GALNT13: variants seen among roughly 807,000 people sequenced by gnomAD.
GALNT13 encodes the protein polypeptide N-acetylgalactosaminyltransferase 13.
Under a neutral mutation model 64.2 loss-of-function variants are expected in GALNT13, and 28 were observed. That is an observed-to-expected ratio of 0.44 (90% CI 0.32 to 0.60). The LOEUF (loss-of-function observed/expected upper bound fraction) is 0.60. GALNT13 is among the 20% of genes least tolerant of loss of function. The probability of loss-of-function intolerance (pLI) is 0.05; values close to 1 mark genes in which losing one functional copy is unlikely to be tolerated. For synonymous variants in GALNT13, 214 were observed against 224.6 expected (o/e 0.95, Z 0.42); for missense variants, 577 against 669.8 (o/e 0.86, Z 1.53).
At chr2:153,397,202 G>A in the GALNT13 span, among the ~76,000 whole-genome samples, 1 of 152,264 alleles carries the variant, frequency 6.6e-6, no homozygotes, top group East Asian at 1.9e-4. Flanking sequence ...GTATCAGAAA[G>A]TAAAAGGATG....
At chr2:153,132,330 C>T in the GALNT13 span, among the ~76,000 whole-genome samples, 1 of 152,150 alleles carries the variant, frequency 6.6e-6, no homozygotes, top group Non-Finnish European at 1.5e-5. Flanking sequence ...CAGGTCTCAG[C>T]TGTGGGGAGG....
intron 4 of GALNT13, among the ~76,000 whole-genome samples, chr2:154,226,910 A>G (rs1688646470): frequency 6.6e-6 from 1 of 152,172 alleles, no homozygotes; most frequent in Non-Finnish European, 1.5e-5. Flanking sequence ...ATAGTGCTAT[A>G]TAGTTAACAA....
intron 4 of GALNT13, among the ~76,000 whole-genome samples, chr2:154,222,307 T>C (rs973819057): frequency 6.6e-6 from 1 of 152,136 alleles, no homozygotes; most frequent in African/African-American, 2.4e-5. Context: ...TATTAGCCAA[T>C]GAGGCAGATC....
chr2:153,911,727 A>C (rs1040218494), intron 2 of GALNT13, among the ~76,000 whole-genome samples: 1 of 152,128 alleles, frequency 6.6e-6, no homozygotes, highest in Non-Finnish European at 1.5e-5. Flanking sequence ...AGAATGTTGA[A>C]TATAGACCCC....
At chr2:153,628,319 T>C in the GALNT13 span, among the ~76,000 whole-genome samples, 1 of 152,024 alleles carries the variant, frequency 6.6e-6, no homozygotes, top group African/African-American at 2.4e-5. Flanking sequence ...CCTCTTTTCC[T>C]AATTGAATAC....
intron 4 of GALNT13, among the ~76,000 whole-genome samples, chr2:154,202,158 T>C (rs1288131791): frequency 1.3e-5 from 2 of 152,116 alleles, no homozygotes; most frequent in African/African-American, 2.4e-5. Context: ...AGAAGAATAA[T>C]GCAGACATAT....
At chr2:153,550,733 A>G in the GALNT13 span, among the ~76,000 whole-genome samples, 2 of 152,206 alleles carry the variant, frequency 1.3e-5, no homozygotes, top group Non-Finnish European at 2.9e-5. Context: ...ACTTTATACA[A>G]TAGTGACAAT....
At chr2:153,394,489 ATAATC>A in the GALNT13 span, among the ~76,000 whole-genome samples, 4 of 152,128 alleles carry the variant, frequency 2.6e-5, no homozygotes, top group Non-Finnish European at 5.9e-5. Context: ...GGCAGAATCA[ATAATC>A]TAGGCTATAC....
chr2:154,263,717 G>A (rs1485964048), intron 8 of GALNT13, among the ~76,000 whole-genome samples: 1 of 152,002 alleles, frequency 6.6e-6, no homozygotes, highest in Non-Finnish European at 1.5e-5. Context: ...TAAGAATCTA[G>A]GGTGGAAAAC....
At chr2:153,686,759 A>G in the GALNT13 span, among the ~76,000 whole-genome samples, 1 of 152,058 alleles carries the variant, frequency 6.6e-6, no homozygotes, top group Non-Finnish European at 1.5e-5. Flanking sequence ...CCCATTCAGT[A>G]TGATGTTAGC....
the GALNT13 span, among the ~76,000 whole-genome samples, chr2:153,082,610 TATATATATACACACAC>T: frequency 6.9e-3 from 297 of 43,320 alleles, 1 homozygote; most frequent in Non-Finnish European, 9.4e-3. Flanking sequence ...TATATATATA[TATATATATACACACAC>T]ACACACACAC....
chr2:154,002,059 G>T (rs1405114200), intron 3 of GALNT13, among the ~76,000 whole-genome samples: 1 of 152,040 alleles, frequency 6.6e-6, no homozygotes, highest in Non-Finnish European at 1.5e-5. Flanking sequence ...GGGCTCTGTT[G>T]TATTTGGTAT....
At chr2:153,644,110 A>G in the GALNT13 span, among the ~76,000 whole-genome samples, 1,048 of 152,200 alleles carry the variant, frequency 6.9e-3, 14 homozygotes, top group African/African-American at 0.024. Context: ...AAGGAGGGAC[A>G]CTGTCATTAT....
chr2:154,271,315 C>T (rs1451888961), intron 8 of GALNT13, among the ~76,000 whole-genome samples: 1 of 151,946 alleles, frequency 6.6e-6, no homozygotes, highest in Non-Finnish European at 1.5e-5. Context: ...AATGAAATAT[C>T]TATGCTAGCT....
the GALNT13 span, among the ~76,000 whole-genome samples, chr2:153,677,571 T>TA: frequency 2.0e-5 from 3 of 151,948 alleles, no homozygotes; most frequent in Non-Finnish European, 4.4e-5. Context: ...TTACAATTTA[T>TA]ATGGAACCAA....
At chr2:153,084,987 A>G in the GALNT13 span, among the ~76,000 whole-genome samples, 2 of 152,196 alleles carry the variant, frequency 1.3e-5, no homozygotes, top group Non-Finnish European at 2.9e-5. Flanking sequence ...AATGGCTTTG[A>G]CCAAAATGAT....
chr2:153,437,165 G>A, the GALNT13 span, among the ~76,000 whole-genome samples: 3 of 152,028 alleles, frequency 2.0e-5, no homozygotes, highest in Non-Finnish European at 4.4e-5. Flanking sequence ...CTGAGTTCTA[G>A]TTTGATTGCA....
At chr2:153,842,298 C>T in the GALNT13 span, among the ~76,000 whole-genome samples, 1 of 152,130 alleles carries the variant, frequency 6.6e-6, no homozygotes, top group African/African-American at 2.4e-5. Flanking sequence ...GAGGCTAAAA[C>T]ATTGAACAAA....
chr2:154,148,153 C>T (rs1008651249), intron 4 of GALNT13, among the ~76,000 whole-genome samples: 1 of 151,934 alleles, frequency 6.6e-6, no homozygotes, highest in Non-Finnish European at 1.5e-5. Context: ...TCAGTTCCCA[C>T]CTATGAGTGA....
Sources: allele counts gnomAD v4.1 joint callset (sites outside exome capture counted in the v4.1 genomes callset), GRCh38; gene constraint gnomAD v4.1.1; transcripts MANE v1.5; gene names NCBI Gene and HGNC (gene_info 2026-07-23, HGNC 2026-07-21).